Variants in RNF169 observed in about 807,000 individuals in gnomAD.
The protein encoded by RNF169 is ring finger protein 169.
A neutral mutation model predicts 53.9 loss-of-function variants in RNF169; 24 were observed. The observed-to-expected ratio is 0.45, with a 90% CI of 0.32 to 0.63. The LOEUF (loss-of-function observed/expected upper bound fraction) is 0.63. RNF169 is among the 20% of genes least tolerant of loss of function. The pLI is 0.04. For synonymous variants in RNF169, 396 were observed against 363.5 expected (o/e 1.09, Z -1.02); for missense variants, 883 against 906.2 (o/e 0.97, Z 0.33).
rs781114413 is a variant in RNF169 at position 74,836,467 on chromosome 11, C to T, written c.1864C>T (p.Arg622Trp). ...EEPLPSLRRG[R>W]KRHCKTKHLE... The stretch of plus-strand genomic sequence containing the variant: ...GCCACTTCCTTCTTTGCGTCGAGGC[C>T]GGAAAAGACACTGCAAGACCAAGCA... Residue 622 changes from arginine (R) to tryptophan (W), a missense_variant, in exon 6 of 6, where the codon CGG (arginine) becomes TGG (tryptophan). This residue lies in a region of RNF169 where 351 missense variants were observed against 337.3 expected (regional missense o/e 1.04). Transcript: ENST00000299563. 6.2e-6 allele frequency: 10 copies of T among 1,614,136 alleles called. No individual in the cohort carries two copies. The highest frequency in any genetic ancestry group is 5.5e-5 in the South Asian group (5 of 91,080).
intron 2 of RNF169, among the ~76,000 whole-genome samples, chr11:74,798,848 G>A (rs1300425904): frequency 2.0e-5 from 3 of 151,918 alleles, no homozygotes; most frequent in Non-Finnish European, 4.4e-5. Context: ...CATGAATATC[G>A]GGACAGATTC....
chr11:74,834,782 C>T lies in RNF169; in HGVS notation c.942+7C>T, dbSNP rs1252208081. ...TCCAGGCAACAAAGCCAAGGTACACCTCAGCCACAGACCTCCGGGGCTTGT... is the reference window on the plus strand; with the variant it reads ...TCCAGGCAACAAAGCCAAGGTACACTTCAGCCACAGACCTCCGGGGCTTGT... On this transcript the variant is annotated splice_region_variant and intron_variant, in intron 5 of 5. Coordinates refer to ENST00000299563, the MANE Select transcript of RNF169 (RefSeq NM_001098638.2). 1 of 1,607,532 alleles carries T rather than the reference C, an allele frequency of 6.2e-7. No homozygotes were observed. Among genetic ancestry groups the T allele is most frequent in the African/African-American group, 1.3e-5 (1 of 74,676 alleles).
In RNF169 at chr11:74,789,671, T is replaced by C; in HGVS notation, c.548T>C (p.Leu183Pro). The change falls in exon 2 of 6, where the codon CTT becomes CCT. Residue 183 changes from leucine to proline, a missense_variant. Leu to Pro is a moderately conservative substitution (Grantham distance 98). Around this residue, in one of 3 missense-constraint regions of RNF169, gnomAD observed 313 missense variants for 279.9 expected, o/e 1.12. Transcript: ENST00000299563. ...APIKLSKPGE[L>P]REEYESLRKL... ...ATCAAATTAAGCAAGCCTGGGGAAC[T>C]TCGTGAGGAATATGAAAGCTTGAGA... 1 of 1,607,578 alleles carries C rather than the reference T, an allele frequency of 6.2e-7. No individual in the cohort carries two copies. The highest frequency in any genetic ancestry group is 8.5e-7 in the Non-Finnish European group (1 of 1,174,524).
chr11:74,779,613 TTTTTA>T (rs1197494501), intron 1 of RNF169, among the ~76,000 whole-genome samples: 3 of 152,158 alleles, frequency 2.0e-5, no homozygotes, highest in Admixed American at 6.6e-5. Context: ...TTTGGTTTTA[TTTTTA>T]TTTTATTTTA....
chr11:74,769,133 A>G lies in RNF169; in HGVS notation c.502+19751A>G, dbSNP rs183642131. 2.8e-4 allele frequency among the ~76,000 whole-genome samples: 42 copies of G among 152,346 alleles called. No homozygotes were observed. The East Asian group carries it at 6.4e-3, about 23-fold the overall frequency. On this transcript the variant is annotated intron_variant, in intron 1 of 5. Coordinates refer to ENST00000299563, the MANE Select transcript of RNF169 (RefSeq NM_001098638.2). ...AGATAGTTGCAGTGAAGTAACTGACAAAAGATTGATATCCAACATATATGA... is the reference window on the plus strand; with the variant it reads ...AGATAGTTGCAGTGAAGTAACTGACGAAAGATTGATATCCAACATATATGA...
At chr11:74,753,619 G>T (rs1307561537) in intron 1 of RNF169, among the ~76,000 whole-genome samples, 1 of 152,100 alleles carries the variant, frequency 6.6e-6, no homozygotes, top group Non-Finnish European at 1.5e-5. Flanking sequence ...TTGCTTAGTT[G>T]TATTCTCATC....
Position 74,836,790 on chromosome 11 carries a change from G to C in RNF169, c.*60G>C. 7.7e-7 allele frequency: 1 copy of C among 1,304,872 alleles called. No individual in the cohort carries two copies. The highest frequency in any genetic ancestry group is 1.1e-6 in the Non-Finnish European group (1 of 947,384). The allele number at this position is 1,304,872 out of a possible 1,614,324, so 80.8% of individuals were successfully genotyped here. A position where few individuals can be genotyped will look rare whatever the true frequency, so the allele number is the denominator to read the frequency against. On this transcript the variant is annotated 3_prime_UTR_variant, in exon 6 of 6. Coordinates refer to ENST00000299563, the MANE Select transcript of RNF169 (RefSeq NM_001098638.2). The stretch of plus-strand genomic sequence containing the variant: ...TTAGGCCTTGATCATTTATCCTGAA[G>C]AGCTGAGTGTTCTCACTTTGGTTTT...
At chr11:74,784,864 TAGAA>T (rs2035465677) in intron 1 of RNF169, among the ~76,000 whole-genome samples, 2 of 152,118 alleles carry the variant, frequency 1.3e-5, no homozygotes, top group Non-Finnish European at 2.9e-5. Context: ...ACTGATGTGT[TAGAA>T]AGAAAGAAAA....
intron 4 of RNF169, among the ~76,000 whole-genome samples, chr11:74,822,207 A>G (rs1438937368): frequency 1.3e-5 from 2 of 152,106 alleles, no homozygotes; most frequent in East Asian, 3.9e-4. Context: ...AGAGACAGAG[A>G]GAGTAATGAG....
At chr11:74,821,246 G>A (rs1173415344) in intron 4 of RNF169, among the ~76,000 whole-genome samples, 1 of 152,194 alleles carries the variant, frequency 6.6e-6, no homozygotes, top group African/African-American at 2.4e-5. Context: ...GGTTGCTACA[G>A]AGAAAAGTGA....
intron 1 of RNF169, among the ~76,000 whole-genome samples, chr11:74,757,772 G>GT (rs2035009233): frequency 1.2e-5 from 1 of 86,200 alleles, no homozygotes; most frequent in Non-Finnish European, 2.2e-5. Context: ...TTTTTCATGT[G>GT]TTTTTTGGCT....
intron 4 of RNF169, among the ~76,000 whole-genome samples, chr11:74,818,790 A>G (rs1325481660): frequency 6.6e-6 from 1 of 151,754 alleles, no homozygotes; most frequent in Non-Finnish European, 1.5e-5. Context: ...TTCCACCAGT[A>G]TTATTTAGTA....
At chr11:74,796,412 G>A (rs577222518) in intron 2 of RNF169, among the ~76,000 whole-genome samples, 4 of 152,178 alleles carry the variant, frequency 2.6e-5, no homozygotes, top group African/African-American at 9.7e-5. Flanking sequence ...TATTACTTCA[G>A]TATTGATATC....
chr11:74,752,255 GA>G (rs1268447232), intron 1 of RNF169, among the ~76,000 whole-genome samples: 3 of 143,172 alleles, frequency 2.1e-5, no homozygotes, highest in African/African-American at 7.9e-5. Flanking sequence ...AAAAAAAAGG[GA>G]AAAAAAAGAA....
intron 3 of RNF169, among the ~76,000 whole-genome samples, chr11:74,814,100 C>A (rs2035911711): frequency 6.6e-6 from 1 of 152,012 alleles, no homozygotes; most frequent in South Asian, 2.1e-4. Flanking sequence ...GTGGGCAGAT[C>A]ACCTGAGGTC....
chr11:74,802,215 C>G (rs1391815850), intron 2 of RNF169, among the ~76,000 whole-genome samples: 3 of 152,140 alleles, frequency 2.0e-5, no homozygotes, highest in African/African-American at 7.2e-5. Flanking sequence ...AGCCCTATAC[C>G]CATGGCACTG....
At chr11:74,770,630 C>G (rs943410344) in intron 1 of RNF169, among the ~76,000 whole-genome samples, 1 of 152,102 alleles carries the variant, frequency 6.6e-6, no homozygotes, top group African/African-American at 2.4e-5. Flanking sequence ...TTACACAGTA[C>G]TTGGCATACG....
intron 1 of RNF169, among the ~76,000 whole-genome samples, chr11:74,763,055 C>T (rs190380602): frequency 2.0e-3 from 303 of 152,184 alleles, no homozygotes; most frequent in African/African-American, 7.1e-3. Context: ...CACAAGGAGA[C>T]GACAAGAAAT....
chr11:74,765,266 T>C (rs917699395), intron 1 of RNF169, among the ~76,000 whole-genome samples: 2 of 152,178 alleles, frequency 1.3e-5, no homozygotes, highest in African/African-American at 2.4e-5. Context: ...TCTACACATA[T>C]GTAGAACCAT....
Sources: allele counts gnomAD v4.1 joint callset (sites outside exome capture counted in the v4.1 genomes callset), GRCh38; gene constraint gnomAD v4.1.1; regional missense constraint gnomAD v4.1.1; transcripts MANE v1.5; gene names NCBI Gene and HGNC (gene_info 2026-07-23, HGNC 2026-07-21).